The following KCNIP4 variants were observed in gnomAD, a reference collection of about 807,000 sequenced individuals.
KCNIP4 encodes potassium voltage-gated channel interacting protein 4, also known as Kv channel-interacting protein 4.
A neutral mutation model predicts 34.0 loss-of-function variants in KCNIP4; 12 were observed. That is an observed-to-expected ratio of 0.35 (90% CI 0.23 to 0.57). KCNIP4 has a LOEUF of 0.57. KCNIP4 is among the 20% of genes least tolerant of loss of function. The pLI, the probability that KCNIP4 is intolerant of heterozygous loss-of-function variation, is 0.83. For missense variants in KCNIP4, 238 were observed against 311.7 expected (o/e 0.76, Z 1.78); for synonymous variants, 124 against 102.2 (o/e 1.21, Z -1.29).
Position 20,744,804 on chromosome 4 carries a change from G to A in KCNIP4, c.429+4858C>T, listed in dbSNP as rs185793112. Among the ~76,000 whole-genome samples the A allele has an allele frequency of 2.6e-3, 394 of 152,144 alleles. 1 individual carries two copies. Among genetic ancestry groups the A allele is most frequent in the African/African-American group, 8.0e-3 (333 of 41,520 alleles). ...TATAAAATAAAAATAAAGATAGCAC[G>A]TTTAAGTCAAGTGTGGACTTGTGTT... On this transcript the variant is annotated intron_variant, in intron 5 of 8. Transcript: ENST00000382152.
intron 1 of KCNIP4, among the ~76,000 whole-genome samples, chr4:21,467,792 C>T (rs1261526201): frequency 1.3e-5 from 2 of 152,190 alleles, no homozygotes; most frequent in South Asian, 2.1e-4. Context: ...CTGAGACTCT[C>T]TCCCACTTAG....
intron 1 of KCNIP4, among the ~76,000 whole-genome samples, chr4:21,358,985 C>T (rs2109400525): frequency 6.6e-6 from 1 of 152,148 alleles, no homozygotes; most frequent in Non-Finnish European, 1.5e-5. Context: ...TAAAACCAAG[C>T]TGTGCTTCGA....
chr4:21,519,395 CATATGTGTGTATATGTATGTGTATATAT>C (rs1735093078), intron 1 of KCNIP4, among the ~76,000 whole-genome samples: 1 of 149,770 alleles, frequency 6.7e-6, no homozygotes, highest in East Asian at 2.0e-4. Context: ...TGTATATATA[CATATGTGTGTATATGTATGTGTATATAT>C]ACACATATGT....
chr4:21,033,270 C>T (rs1370042980), intron 1 of KCNIP4, among the ~76,000 whole-genome samples: 5 of 152,132 alleles, frequency 3.3e-5, no homozygotes, highest in Non-Finnish European at 7.4e-5. Context: ...CAAGTATGAA[C>T]TCTTTTTATC....
chr4:20,939,102 T>G (rs1008959512), intron 1 of KCNIP4, among the ~76,000 whole-genome samples: 2 of 152,184 alleles, frequency 1.3e-5, no homozygotes, highest in African/African-American at 4.8e-5. Flanking sequence ...GTGGAAATTC[T>G]GAAATCTCTA....
At chr4:20,831,711 C>A (rs1458960368) in intron 3 of KCNIP4, among the ~76,000 whole-genome samples, 1 of 152,086 alleles carries the variant, frequency 6.6e-6, no homozygotes, top group East Asian at 1.9e-4. Flanking sequence ...ATAGGCTTGC[C>A]TTCCATGAGG....
intron 3 of KCNIP4, among the ~76,000 whole-genome samples, chr4:20,770,118 A>G (rs931074428): frequency 6.6e-6 from 1 of 152,168 alleles, no homozygotes; most frequent in African/African-American, 2.4e-5. Context: ...TCTTCTGAAC[A>G]TCAGTTCATT....
intron 1 of KCNIP4, among the ~76,000 whole-genome samples, chr4:21,069,599 A>G (rs559620235): frequency 9.5e-4 from 145 of 152,282 alleles, no homozygotes; most frequent in African/African-American, 3.3e-3. Context: ...GTGGGAGAGG[A>G]CATAGGTTAA....
intron 3 of KCNIP4, among the ~76,000 whole-genome samples, chr4:20,846,345 T>C (rs959075866): frequency 6.6e-6 from 1 of 152,208 alleles, no homozygotes; most frequent in Non-Finnish European, 1.5e-5. Context: ...CAAAGCAGCA[T>C]TGGCATCACT....
At chr4:21,060,030 T>C (rs1743776457) in intron 1 of KCNIP4, among the ~76,000 whole-genome samples, 2 of 152,158 alleles carry the variant, frequency 1.3e-5, no homozygotes, top group Non-Finnish European at 2.9e-5. Flanking sequence ...GAACAACCTA[T>C]ACCTAAAAAG....
At chr4:20,940,143 A>G (rs952312527) in intron 1 of KCNIP4, among the ~76,000 whole-genome samples, 2 of 152,102 alleles carry the variant, frequency 1.3e-5, no homozygotes. Flanking sequence ...CCTTTCTGTT[A>G]CTTCTACTTG....
chr4:21,239,545 C>T (rs1338604772), intron 1 of KCNIP4, among the ~76,000 whole-genome samples: 1 of 152,000 alleles, frequency 6.6e-6, no homozygotes, highest in African/African-American at 2.4e-5. Context: ...AACAAACAAC[C>T]CCATCAAAAA....
At chr4:21,904,057 T>C (rs1284548228) in intron 1 of KCNIP4, among the ~76,000 whole-genome samples, 1 of 152,180 alleles carries the variant, frequency 6.6e-6, no homozygotes, top group Non-Finnish European at 1.5e-5. Flanking sequence ...CCTTTAGGAA[T>C]TACAATTTTT....
intron 1 of KCNIP4, among the ~76,000 whole-genome samples, chr4:21,446,918 C>T (rs1449306873): frequency 1.3e-5 from 2 of 151,732 alleles, no homozygotes; most frequent in Admixed American, 6.6e-5. Context: ...AGAATTTCTG[C>T]AATCACTTTA....
At chr4:21,868,365 AC>A (rs1297725435) in intron 1 of KCNIP4, among the ~76,000 whole-genome samples, 5 of 152,220 alleles carry the variant, frequency 3.3e-5, no homozygotes, top group Non-Finnish European at 7.3e-5. Context: ...AATATGTACA[AC>A]TTTTATCTAT....
intron 1 of KCNIP4, among the ~76,000 whole-genome samples, chr4:21,131,415 C>T (rs1405716618): frequency 1.3e-5 from 2 of 152,130 alleles, no homozygotes; most frequent in African/African-American, 4.8e-5. Flanking sequence ...CGAGACCATC[C>T]TGGCTAACAC....
intron 1 of KCNIP4, among the ~76,000 whole-genome samples, chr4:21,124,915 C>T (rs575801622): frequency 1.4e-4 from 21 of 151,934 alleles, no homozygotes; most frequent in African/African-American, 4.3e-4. Flanking sequence ...CAAAAGGAAC[C>T]GAAGTGGGAC....
intron 1 of KCNIP4, among the ~76,000 whole-genome samples, chr4:21,823,311 T>C (rs561373671): frequency 6.6e-6 from 1 of 152,166 alleles, no homozygotes; most frequent in East Asian, 1.9e-4. Context: ...TTTTAAAATA[T>C]TATTTATTTA....
intron 1 of KCNIP4, among the ~76,000 whole-genome samples, chr4:21,187,231 T>TA (rs1395687128): frequency 1.3e-5 from 2 of 152,156 alleles, no homozygotes; most frequent in Non-Finnish European, 2.9e-5. Context: ...CCATGGCACT[T>TA]AAAAAAACCT....
Sources: allele counts gnomAD v4.1 joint callset (sites outside exome capture counted in the v4.1 genomes callset), GRCh38; gene constraint gnomAD v4.1.1; transcripts MANE v1.5; gene names NCBI Gene and HGNC (gene_info 2026-07-23, HGNC 2026-07-21).